FOXP2: variants seen among roughly 807,000 people sequenced by gnomAD.
The protein encoded by FOXP2 is forkhead box P2, also known as forkhead box protein P2.
A neutral mutation model predicts 115.8 loss-of-function variants in FOXP2; 12 were observed. The ratio of observed to expected loss-of-function variants is 0.10; its 90% CI spans 0.07 to 0.17. The LOEUF is 0.17. Ranked by LOEUF, FOXP2 falls within the 10% of genes least tolerant of loss-of-function variation. The pLI is 1.00. For synonymous variants in FOXP2, 328 were observed against 297.7 expected (o/e 1.10, Z -1.05); for missense variants, 629 against 843.5 (o/e 0.75, Z 3.15).
rs982256386 is a variant in FOXP2 at position 114,630,100 on chromosome 7, T to C, written c.597+95T>C. Reference sequence around the variant, plus strand: ...GTCTTAGATCTTCCTATAACAAGGCTCTTGCTGTCAAAGTTGCAGTATTAT... The same window carrying C: ...GTCTTAGATCTTCCTATAACAAGGCCCTTGCTGTCAAAGTTGCAGTATTAT... On this transcript the variant is annotated intron_variant, in intron 5 of 16. Transcript: ENST00000350908. The C allele has an allele frequency of 4.4e-6, 7 of 1,594,080 alleles. No homozygotes were observed. In the East Asian group the frequency reaches 1.3e-4, roughly 30 times the overall value.
At chr7:114,408,128 T>G (rs566097598) in intron 2 of FOXP2, among the ~76,000 whole-genome samples, 1 of 152,300 alleles carries the variant, frequency 6.6e-6, no homozygotes, top group Non-Finnish European at 1.5e-5. Flanking sequence ...ATTTATGAGC[T>G]TATATCCTCA....
chr7:114,570,876 T>A, intron 3 of FOXP2: 1 of 1,611,834 alleles, frequency 6.2e-7, no homozygotes, highest in Non-Finnish European at 8.5e-7. Flanking sequence ...TCACAACACA[T>A]TTGCAGTAAG....
chr7:114,218,244 T>C (rs1207119711), intron 1 of FOXP2, among the ~76,000 whole-genome samples: 3 of 152,190 alleles, frequency 2.0e-5, no homozygotes, highest in African/African-American at 7.2e-5. Context: ...TTTAAAAACC[T>C]TGCTGTAATT....
At chr7:114,402,203 C>T (rs1385031115) in intron 2 of FOXP2, among the ~76,000 whole-genome samples, 1 of 151,872 alleles carries the variant, frequency 6.6e-6, no homozygotes, top group East Asian at 1.9e-4. Flanking sequence ...AGATGAAGGC[C>T]CTCTCTATCA....
intron 1 of FOXP2, among the ~76,000 whole-genome samples, chr7:114,268,937 C>G (rs1166847134): frequency 6.6e-6 from 1 of 152,082 alleles, no homozygotes; most frequent in Non-Finnish European, 1.5e-5. Context: ...ATAAAGGCAT[C>G]ATATAAAGAC....
At chr7:114,689,642 G>C in intron 16 of FOXP2, 140 bp from the exon 17 acceptor site, 2 of 789,576 alleles carry the variant, frequency 2.5e-6, no homozygotes, top group Non-Finnish European at 2.1e-6. Context: ...ACCAGCTCAC[G>C]CAATCAATCA....
At chr7:114,642,984 A>AT (rs1233727097) in intron 7 of FOXP2, among the ~76,000 whole-genome samples, 1 of 148,740 alleles carries the variant, frequency 6.7e-6, no homozygotes. Flanking sequence ...AATTTTTTGT[A>AT]TTTTTTTTAG....
chr7:114,293,549 C>A (rs1796662572), intron 2 of FOXP2, among the ~76,000 whole-genome samples: 2 of 152,148 alleles, frequency 1.3e-5, no homozygotes, highest in Admixed American at 6.5e-5. Flanking sequence ...GTGTCAGCAC[C>A]CAGATCTCAT....
chr7:114,588,982 T>C (rs1802299117), intron 3 of FOXP2, among the ~76,000 whole-genome samples: 1 of 152,226 alleles, frequency 6.6e-6, no homozygotes, highest in African/African-American at 2.4e-5. Context: ...ATTAAGTTCT[T>C]CTGGTGGTTA....
chr7:114,268,933 G>A (rs191682519), intron 1 of FOXP2, among the ~76,000 whole-genome samples: 2 of 151,884 alleles, frequency 1.3e-5, no homozygotes, highest in East Asian at 1.9e-4. Flanking sequence ...TTAAATAAAG[G>A]CATCATATAA....
At chr7:114,596,183 G>A (rs1802692967) in intron 3 of FOXP2, among the ~76,000 whole-genome samples, 1 of 152,034 alleles carries the variant, frequency 6.6e-6, no homozygotes, top group African/African-American at 2.4e-5. Flanking sequence ...AAAGAGAGAA[G>A]TCATGGTTCC....
upstream of FOXP2, among the ~76,000 whole-genome samples, chr7:114,161,124 C>A (rs1562986698): frequency 6.6e-6 from 1 of 152,166 alleles, no homozygotes; most frequent in Non-Finnish European, 1.5e-5. Flanking sequence ...TAAAGCAGAA[C>A]TACTTGTGCT....
At chr7:114,618,107 T>C (rs1804047426) in intron 3 of FOXP2, among the ~76,000 whole-genome samples, 1 of 152,194 alleles carries the variant, frequency 6.6e-6, no homozygotes, top group Non-Finnish European at 1.5e-5. Flanking sequence ...GCATTCTCTA[T>C]TCTTCCTGTG....
At chr7:114,220,264 T>C (rs1794589474) in intron 1 of FOXP2, among the ~76,000 whole-genome samples, 1 of 151,930 alleles carries the variant, frequency 6.6e-6, no homozygotes, top group Admixed American at 6.6e-5. Flanking sequence ...AAAAAAATAA[T>C]GGGAACAAAA....
At chr7:114,264,798 C>A (rs911035501) in intron 1 of FOXP2, among the ~76,000 whole-genome samples, 1 of 151,936 alleles carries the variant, frequency 6.6e-6, no homozygotes, top group Non-Finnish European at 1.5e-5. Context: ...TGGGGGAAGG[C>A]GAAGCAAGAG....
At chr7:114,271,687 A>G (rs1288643452) in intron 1 of FOXP2, among the ~76,000 whole-genome samples, 1 of 117,946 alleles carries the variant, frequency 8.5e-6, no homozygotes, top group Non-Finnish European at 1.6e-5. Flanking sequence ...AATTATATTT[A>G]ATAATATATT....
chr7:114,282,770 T>G (rs1285183482), intron 1 of FOXP2, among the ~76,000 whole-genome samples: 2 of 152,188 alleles, frequency 1.3e-5, no homozygotes, highest in Non-Finnish European at 2.9e-5. Flanking sequence ...GGTGGCAGTT[T>G]TACAGCATTT....
In FOXP2 at chr7:114,179,638, G is replaced by A. The variant is rs1542263; in HGVS notation, c.-102+16550G>A. ...TTTTGCCTTTAAATGCAATCTTTTG[G>A]AAGACTATGTTGAAAGGAATACGAA... is the stretch of plus-strand genomic sequence containing the variant. On this transcript the variant is annotated intron_variant, in intron 1 of 17. Coordinates refer to the FOXP2 transcript ENST00000634411. 2.7e-3 allele frequency among the ~76,000 whole-genome samples: 410 copies of A among 152,054 alleles called. 2 individuals are homozygous for A. Among genetic ancestry groups the A allele is most frequent in the African/African-American group, 9.5e-3 (394 of 41,538 alleles).
chr7:114,322,487 A>G (rs1378249556), intron 2 of FOXP2, among the ~76,000 whole-genome samples: 1 of 152,046 alleles, frequency 6.6e-6, no homozygotes. Context: ...ACATTAATAT[A>G]AATAAAACAA....
Sources: allele counts gnomAD v4.1 joint callset (sites outside exome capture counted in the v4.1 genomes callset), GRCh38; gene constraint gnomAD v4.1.1; transcripts MANE v1.5; gene names NCBI Gene and HGNC (gene_info 2026-07-23, HGNC 2026-07-21).